Variants in EPB41L2 observed in about 807,000 individuals in gnomAD.
EPB41L2 encodes the protein band 4.1-like protein 2.
EPB41L2 carries 43 observed loss-of-function variants against 113.0 expected under a neutral mutation model. The observed-to-expected ratio is 0.38, with a 90% confidence interval of 0.30 to 0.49. The LOEUF is 0.49. Ranked by LOEUF, EPB41L2 falls within the 20% of genes least tolerant of loss-of-function variation. The probability of loss-of-function intolerance (pLI) is 0.95; values close to 1 mark genes in which losing one functional copy is unlikely to be tolerated. For missense variants in EPB41L2, 1,147 were observed against 1,223.4 expected, an observed-to-expected ratio of 0.94 and a Z score of 0.93; for synonymous variants, 442 against 436.7, an observed-to-expected ratio of 1.01 and a Z score of -0.15.
chr6:130,969,911 A>G (rs895487102), intron 1 of EPB41L2, among the ~76,000 whole-genome samples: 2 of 152,226 alleles, frequency 1.3e-5, no homozygotes, highest in Non-Finnish European at 2.9e-5. Context: ...AGCATATAAA[A>G]GAAACCAACT....
chr6:131,028,603 C>T (rs1432693828), intron 1 of EPB41L2, among the ~76,000 whole-genome samples: 2 of 152,130 alleles, frequency 1.3e-5, no homozygotes, highest in Non-Finnish European at 2.9e-5. Flanking sequence ...TCAAACAACA[C>T]AAGATTTTTG....
chr6:130,914,618 GAA>G (rs1390730921), intron 4 of EPB41L2, among the ~76,000 whole-genome samples: 4 of 152,146 alleles, frequency 2.6e-5, no homozygotes, highest in African/African-American at 9.7e-5. Context: ...AGGAACTCAG[GAA>G]AGTGACAGCT....
At chr6:131,038,591 A>T (rs1434039965) in intron 1 of EPB41L2, among the ~76,000 whole-genome samples, 1 of 152,224 alleles carries the variant, frequency 6.6e-6, no homozygotes, top group South Asian at 2.1e-4. Context: ...AACACTGAAA[A>T]GGAATACTTT....
chr6:130,955,126 G>A lies in EPB41L2; in HGVS notation c.684C>T (p.Thr228=), dbSNP rs767046518. The change falls in exon 3 of 20, where the codon ACC becomes ACT. Residue 228 remains threonine (T), a synonymous_variant. Transcript: ENST00000337057. ...VQCKVTLLDG[T]EYSCDLEKHA... Reference sequence around the variant, plus strand: ...TCACCTCCAGGTCACAGCTGTATTCGGTGCCATCTAAGAGGGTCACTTTAC... The same window carrying A: ...TCACCTCCAGGTCACAGCTGTATTCAGTGCCATCTAAGAGGGTCACTTTAC... The A allele has an allele frequency of 1.1e-5, 17 of 1,614,012 alleles. No homozygotes were observed. Among genetic ancestry groups the A allele is most frequent in the East Asian group, 4.5e-5 (2 of 44,872 alleles).
chr6:130,863,754 A>C, intron 17 of EPB41L2, 36 bp from the exon 18 acceptor site: 1 of 1,472,364 alleles, frequency 6.8e-7, no homozygotes, highest in Non-Finnish European at 9.5e-7. Flanking sequence ...AAAAACAGCA[A>C]TCACTGAAGC....
chr6:131,021,401 A>G (rs1789447888), intron 1 of EPB41L2, among the ~76,000 whole-genome samples: 1 of 152,218 alleles, frequency 6.6e-6, no homozygotes, highest in African/African-American at 2.4e-5. Flanking sequence ...AAAACAAAAA[A>G]ATGAATCAGG....
intron 1 of EPB41L2, among the ~76,000 whole-genome samples, chr6:130,983,625 C>T (rs1779874699): frequency 6.6e-6 from 1 of 151,544 alleles, no homozygotes; most frequent in African/African-American, 2.4e-5. Flanking sequence ...ACTTCCCGGG[C>T]TCCAGTGATC....
chr6:130,916,602 C>T (rs1247645316), intron 4 of EPB41L2, among the ~76,000 whole-genome samples: 1 of 152,154 alleles, frequency 6.6e-6, no homozygotes, highest in Non-Finnish European at 1.5e-5. Context: ...CCACATGGGC[C>T]CACTAGGACT....
chr6:131,009,960 T>C (rs1786524534), intron 1 of EPB41L2, among the ~76,000 whole-genome samples: 2 of 152,236 alleles, frequency 1.3e-5, no homozygotes, highest in South Asian at 2.1e-4. Context: ...CAATCAGGCA[T>C]GTTCAATTTG....
chr6:130,902,273 T>C (rs1796497403), intron 6 of EPB41L2, among the ~76,000 whole-genome samples: 1 of 152,146 alleles, frequency 6.6e-6, no homozygotes, highest in African/African-American at 2.4e-5. Context: ...CCCTACACAA[T>C]CAAATGGGGA....
At chr6:131,041,618 C>T (rs902714261) in intron 1 of EPB41L2, among the ~76,000 whole-genome samples, 1 of 152,098 alleles carries the variant, frequency 6.6e-6, no homozygotes, top group African/African-American at 2.4e-5. Context: ...AAGGGAGAAA[C>T]ATACTAAACA....
At chr6:131,059,432 T>A (rs1357146087) in intron 1 of EPB41L2, among the ~76,000 whole-genome samples, 2 of 152,244 alleles carry the variant, frequency 1.3e-5, no homozygotes, top group African/African-American at 4.8e-5. Flanking sequence ...TAAACAACTC[T>A]AATAGCTAAC....
intron 19 of EPB41L2, among the ~76,000 whole-genome samples, chr6:130,853,162 G>T (rs1489840937): frequency 6.6e-6 from 1 of 152,194 alleles, no homozygotes. Flanking sequence ...ACAAATAAAT[G>T]AATGGATGAG....
At chr6:130,978,690 G>C (rs1778695625) in intron 1 of EPB41L2, 1 of 152,214 alleles carries the variant, frequency 6.6e-6, no homozygotes, top group Non-Finnish European at 1.5e-5. Flanking sequence ...GAATTGCTTT[G>C]TGCTTGCTGA....
chr6:130,942,132 C>T (rs1230016420), intron 3 of EPB41L2, among the ~76,000 whole-genome samples: 1 of 152,174 alleles, frequency 6.6e-6, no homozygotes, highest in Non-Finnish European at 1.5e-5. Flanking sequence ...TGTTATAGTG[C>T]TATAAATACT....
At chr6:130,953,739 C>T (rs1055180862) in intron 3 of EPB41L2, among the ~76,000 whole-genome samples, 3 of 151,816 alleles carry the variant, frequency 2.0e-5, no homozygotes, top group Non-Finnish European at 4.4e-5. Context: ...GGGATTAGTG[C>T]CCCTGTAACT....
In EPB41L2 at chr6:130,893,798, C is replaced by T. The variant is rs374694706; in HGVS notation, c.1487+546G>A. Among the ~76,000 whole-genome samples, 34 of 152,224 alleles carry T rather than the reference C, an allele frequency of 2.2e-4. No individual in the cohort carries two copies. In the East Asian group the frequency reaches 5.6e-3, roughly 25 times the overall value. On this transcript the variant is annotated intron_variant, in intron 10 of 19. Coordinates refer to ENST00000337057, the MANE Select transcript of EPB41L2 (RefSeq NM_001431.4). ...AGTAGTTTGAGGGGGTCAGAACGTT[C>T]CTGACAAAGCAGTCAGACCATAGGG...
At chr6:130,998,547 A>C (rs1292759050) in intron 1 of EPB41L2, among the ~76,000 whole-genome samples, 2 of 152,236 alleles carry the variant, frequency 1.3e-5, no homozygotes, top group East Asian at 3.8e-4. Flanking sequence ...ATGGGGAAAG[A>C]TGATAATCAG....
chr6:130,860,525 A>C (rs1347518520), intron 18 of EPB41L2, among the ~76,000 whole-genome samples: 1 of 136,772 alleles, frequency 7.3e-6, no homozygotes, highest in Non-Finnish European at 1.6e-5. Context: ...GCCAAATTTT[A>C]TTTTTATTTT....
Sources: gnomAD v4.1 joint callset for allele counts (sites outside exome capture counted in the v4.1 genomes callset) on GRCh38, gnomAD v4.1.1 for gene constraint, MANE v1.5 for transcripts, NCBI Gene and HGNC (gene_info 2026-07-23, HGNC 2026-07-21) for gene names.